The following HTRA1 variants were observed in gnomAD, a reference collection of about 807,000 sequenced individuals.
HTRA1 encodes serine protease HTRA1.
Under a neutral mutation model 49.7 loss-of-function variants are expected in HTRA1, and 26 were observed. The ratio of observed to expected loss-of-function variants is 0.52; its 90% CI spans 0.38 to 0.73. The LOEUF is 0.73. Ranked by LOEUF, HTRA1 falls within the 30% of genes least tolerant of loss-of-function variation. The pLI is 0.00. For missense variants in HTRA1, 561 were observed against 667.2 expected, an observed-to-expected ratio of 0.84 and a Z score of 1.75; for synonymous variants, 291 against 286.9, an observed-to-expected ratio of 1.01 and a Z score of -0.14.
At position 122,461,670 on chromosome 10, in the gene HTRA1, C is replaced by G; in HGVS notation, c.18C>G (p.Ala6=). ...GAGTCGCCATGCAGATCCCGCGCGC[C>G]GCTCTTCTCCCGCTGCTGCTGCTGC... MQIPR[A]ALLPLLLLLL... Residue 6 remains alanine (A), a synonymous_variant, in exon 1 of 9, where the codon GCC becomes GCG. Transcript: ENST00000368984. 1 of 1,313,970 alleles carries G rather than the reference C, an allele frequency of 7.6e-7. No individual in the cohort carries two copies. Among genetic ancestry groups the G allele is most frequent in the Non-Finnish European group, 9.8e-7 (1 of 1,016,408 alleles). 81.4% of individuals were successfully genotyped at this position (1,313,970 alleles called of 1,614,324 possible).
chr10:122,491,787 C>G (rs1175563875), intron 3 of HTRA1, among the ~76,000 whole-genome samples: 1 of 152,166 alleles, frequency 6.6e-6, no homozygotes, highest in African/African-American at 2.4e-5. Flanking sequence ...TTCAAGCCCC[C>G]CAAGAAAGGG....
Position 122,465,111 on chromosome 10 carries a change from G to A in HTRA1, c.472+2987G>A, listed in dbSNP as rs142094332. Among the ~76,000 whole-genome samples, 846 of 152,262 alleles carry A rather than the reference G, an allele frequency of 5.6e-3. 14 individuals are homozygous for A. The highest frequency in any genetic ancestry group is 0.02 in the African/African-American group (814 of 41,552). ...GGAACATGTCACCATTCAAAGGAAA[G>A]CACTTTCATCTGTAAGCTGTTTATT... On this transcript the variant is annotated intron_variant, in intron 1 of 8. Transcript: ENST00000368984.
rs757369336 is a variant in HTRA1 at position 122,494,390 on chromosome 10, T to G, written c.777+4764T>G. Among the ~76,000 whole-genome samples, 51 of 152,238 alleles carry G rather than the reference T, an allele frequency of 3.4e-4. No individual in the cohort carries two copies. Among genetic ancestry groups the G allele is most frequent in the Middle Eastern group, 3.4e-3 (1 of 294 alleles). On this transcript the variant is annotated intron_variant, in intron 3 of 8. Transcript: ENST00000368984. This position sits in a 1 kb window ranked among gnomAD's most constrained non-coding sequence, Gnocchi z 4.0. ...CCTGCATCGAGCTTCCCTCCTATAT[T>G]CAATGAGGAAATGACCCTGCAGAAG...
intron 1 of HTRA1, among the ~76,000 whole-genome samples, chr10:122,466,872 C>T (rs552611388): frequency 6.6e-6 from 1 of 152,116 alleles, no homozygotes; most frequent in Non-Finnish European, 1.5e-5. Context: ...CTGCTCTGGT[C>T]GGCTGCCTTC....
chr10:122,471,207 C>T (rs927661828), intron 1 of HTRA1, among the ~76,000 whole-genome samples: 8 of 152,134 alleles, frequency 5.3e-5, no homozygotes, highest in Non-Finnish European at 1.2e-4. Context: ...ATTTGTGGCT[C>T]TGAAAAATAT....
chr10:122,507,304 G>A (rs1037272698), intron 4 of HTRA1, 66 bp from the exon 5 acceptor site: 5 of 1,312,938 alleles, frequency 3.8e-6, no homozygotes, highest in Non-Finnish European at 5.5e-6. Context: ...AAACGACCAG[G>A]CAGGGACATA....
intron 1 of HTRA1, among the ~76,000 whole-genome samples, chr10:122,479,807 G>A (rs2097490202): frequency 6.7e-6 from 1 of 150,210 alleles, no homozygotes; most frequent in South Asian, 2.1e-4. Flanking sequence ...TGGCTGCGGG[G>A]ATCCTGCAGG....
intron 3 of HTRA1, among the ~76,000 whole-genome samples, chr10:122,493,922 C>G (rs762431324): frequency 1.3e-5 from 2 of 151,800 alleles, no homozygotes; most frequent in Non-Finnish European, 2.9e-5. Context: ...CAGGGCTGTC[C>G]CCTGGGGCCT....
chr10:122,506,438 C>A lies in HTRA1; in HGVS notation c.778-253C>A, dbSNP rs139553054. On this transcript the variant is annotated intron_variant, in intron 3 of 8. Transcript: ENST00000368984. The surrounding 1 kb of genome is among the most constrained non-coding windows in gnomAD (Gnocchi z 5.2). The stretch of plus-strand genomic sequence containing the variant: ...GACTTGGCCTCCAGTTACCTCCCCA[C>A]GGTTTCCTTGGTGTGTGTGTGGCTT... Among the ~76,000 whole-genome samples, 1 of 152,146 alleles carries A rather than the reference C, an allele frequency of 6.6e-6. No homozygotes were observed. The highest frequency in any genetic ancestry group is 1.5e-5 in the Non-Finnish European group (1 of 68,032).
At chr10:122,477,258 T>C (rs144566926) in intron 1 of HTRA1, among the ~76,000 whole-genome samples, 32 of 152,254 alleles carry the variant, frequency 2.1e-4, no homozygotes, top group South Asian at 1.2e-3. Context: ...TGAGCCACCA[T>C]GCCCGGCCTG....
At chr10:122,505,268 T>G (rs1270408672) in intron 3 of HTRA1, among the ~76,000 whole-genome samples, 5 of 152,158 alleles carry the variant, frequency 3.3e-5, no homozygotes. Flanking sequence ...CTCCTGGTCC[T>G]CTTGGTATCT....
intron 3 of HTRA1, among the ~76,000 whole-genome samples, chr10:122,495,368 A>G (rs2097498157): frequency 6.6e-6 from 1 of 152,088 alleles, no homozygotes; most frequent in Non-Finnish European, 1.5e-5. Context: ...TGAGGCTTCT[A>G]TTACTGTATT....
intron 3 of HTRA1, among the ~76,000 whole-genome samples, chr10:122,496,172 G>A (rs1016549164): frequency 1.3e-5 from 2 of 148,198 alleles, no homozygotes; most frequent in African/African-American, 2.5e-5. Flanking sequence ...TGGCCGCGGC[G>A]AGCAGGAAGA....
chr10:122,512,078 C>T lies in HTRA1; in HGVS notation c.1274+13C>T, dbSNP rs189380173. 3 of 1,567,348 alleles carry T rather than the reference C, an allele frequency of 1.9e-6. No homozygotes were observed. Among genetic ancestry groups the T allele is most frequent in the East Asian group, 4.5e-5 (2 of 44,646 alleles). The stretch of plus-strand genomic sequence containing the variant: ...CCCCAGCAGAAGCGTGAGTTGGAGT[C>T]GTTTTCTCTTTTCCCAATATTCTTG... On this transcript the variant is annotated intron_variant, in intron 8 of 8. Coordinates refer to ENST00000368984, the MANE Select transcript of HTRA1 (RefSeq NM_002775.5).
intron 6 of HTRA1, among the ~76,000 whole-genome samples, 153 bp from the exon 7 acceptor site, chr10:122,509,943 G>A (rs1219487839): frequency 6.6e-6 from 1 of 152,196 alleles, no homozygotes; most frequent in African/African-American, 2.4e-5. Flanking sequence ...TCCCCCAGAG[G>A]GGAGGGGTCC....
At chr10:122,501,961 GTTTTTTTTTTTTTTT>G (rs541582341) in intron 3 of HTRA1, among the ~76,000 whole-genome samples, 3 of 73,536 alleles carry the variant, frequency 4.1e-5, no homozygotes, top group African/African-American at 1.2e-4. Flanking sequence ...TCCATTTGGA[GTTTTTTTTTTTTTTT>G]TTTTTTTTTT....
rs34977432 is a variant in HTRA1 at position 122,478,392 on chromosome 10, A to ATTTTTTT, written c.473-10498_473-10492dup. 5.4e-4 allele frequency among the ~76,000 whole-genome samples: 64 copies of ATTTTTTT among 119,070 alleles called. 5 individuals carry two copies. Among genetic ancestry groups the ATTTTTTT allele is most frequent in the East Asian group, 1.5e-3 (6 of 3,946 alleles). 78.1% of individuals were successfully genotyped at this position (119,070 alleles called of 152,430 possible). The stretch of plus-strand genomic sequence containing the variant: ...GCTCCTGGGCTCCTGAGTTTGACAG[A>ATTTTTTT]TTTTTTTTTTTTTTTTTTGAGACGG... On this transcript the variant is annotated intron_variant, in intron 1 of 8. Transcript: ENST00000368984.
chr10:122,507,250 C>A, intron 4 of HTRA1, 120 bp from the exon 5 acceptor site: 1 of 830,966 alleles, frequency 1.2e-6, no homozygotes. Flanking sequence ...GGGAATGAAT[C>A]TCAGAGAAGA....
Position 122,495,149 on chromosome 10 carries a change from T to C in HTRA1, c.777+5523T>C, listed in dbSNP as rs2097498074. 2.6e-5 allele frequency among the ~76,000 whole-genome samples: 4 copies of C among 152,352 alleles called. No homozygotes were observed. The South Asian group carries it at 8.3e-4, about 32-fold the overall frequency. On this transcript the variant is annotated intron_variant, in intron 3 of 8. Coordinates refer to ENST00000368984, the MANE Select transcript of HTRA1 (RefSeq NM_002775.5). ...CCCGCTGCCCTCTTCTGGAGTCATC[T>C]GTCACTCATCCTCATGAAGGAAGCG...
Sources: gnomAD v4.1 joint callset for allele counts (sites outside exome capture counted in the v4.1 genomes callset) on GRCh38, gnomAD v4.1.1 for gene constraint, Gnocchi (gnomAD v3.1) non-coding constraint, MANE v1.5 for transcripts, NCBI Gene and HGNC (gene_info 2026-07-23, HGNC 2026-07-21) for gene names.